Variants in GOLM1 observed in about 807,000 individuals in gnomAD.
The protein encoded by GOLM1 is epididymis luminal protein 46.
A neutral mutation model predicts 50.5 loss-of-function variants in GOLM1; 31 were observed. The observed-to-expected ratio is 0.61, with a 90% CI of 0.46 to 0.83. The LOEUF is 0.83. Ranked by LOEUF, GOLM1 falls within the 40% of genes least tolerant of loss-of-function variation. The probability of loss-of-function intolerance (pLI) is 0.00; values close to 1 mark genes in which losing one functional copy is unlikely to be tolerated. For missense variants in GOLM1, 491 were observed against 501.3 expected (o/e 0.98, Z 0.20); for synonymous variants, 178 against 192.8 (o/e 0.92, Z 0.64).
chr9:86,029,031 G>A (rs1482435684), intron 9 of GOLM1, among the ~76,000 whole-genome samples: 1 of 151,858 alleles, frequency 6.6e-6, no homozygotes, highest in Non-Finnish European at 1.5e-5. Context: ...TTTTGTTGTT[G>A]TAGTTTTAGT....
chr9:86,037,671 T>G (rs754692844), intron 6 of GOLM1, among the ~76,000 whole-genome samples: 1 of 151,734 alleles, frequency 6.6e-6, no homozygotes, highest in Non-Finnish European at 1.5e-5. Context: ...CTTGGATCCA[T>G]AGGAGAGGTG....
At chr9:86,042,651 C>A (rs983291978) in intron 5 of GOLM1, among the ~76,000 whole-genome samples, 1 of 152,102 alleles carries the variant, frequency 6.6e-6, no homozygotes, top group Non-Finnish European at 1.5e-5. Flanking sequence ...TGAAACATAG[C>A]GAACAAAAAG....
At chr9:86,053,611 ACAC>A (rs1305354029) in intron 3 of GOLM1, among the ~76,000 whole-genome samples, 12 of 4,556 alleles carry the variant, frequency 2.6e-3, no homozygotes, top group East Asian at 0.021. Flanking sequence ...CACACATCAC[ACAC>A]CACACCAAAC....
chr9:86,080,788 C>T (rs989743434), intron 1 of GOLM1, among the ~76,000 whole-genome samples: 8 of 151,644 alleles, frequency 5.3e-5, no homozygotes, highest in East Asian at 2.0e-4. Context: ...GGGGAAACCA[C>T]GTTTTTCTTT....
At position 86,070,045 on chromosome 9, in the gene GOLM1, G is replaced by C. The variant is rs189322082; in HGVS notation, c.309+7367C>G. ...ATTTCAGGTGCCTGCCACCACACCC[G>C]GATAATTTTTTGTATTTTTGGTAGA... On this transcript the variant is annotated intron_variant, in intron 3 of 9. Transcript: ENST00000388712. Among the ~76,000 whole-genome samples, 585 of 151,858 alleles carry C rather than the reference G, an allele frequency of 3.9e-3. 5 individuals are homozygous for C. Among genetic ancestry groups the C allele is most frequent in the African/African-American group, 0.014 (563 of 41,454 alleles).
rs759754575 is a variant in GOLM1 at position 86,033,263 on chromosome 9, A to C, written c.1129+19T>G. 7 of 1,351,960 alleles carry C rather than the reference A, an allele frequency of 5.2e-6. No individual in the cohort carries two copies. The East Asian group carries it at 9.1e-5, about 18-fold the overall frequency. 83.7% of individuals were successfully genotyped at this position (1,351,960 alleles called of 1,614,324 possible). On this transcript the variant is annotated intron_variant, in intron 9 of 9. Transcript: ENST00000388712. ...GAAATGAAAGGTGACCTCGTCACCG[A>C]TGTAGGCCCCATTCTTACCATCTAT... is the stretch of plus-strand genomic sequence containing the variant.
chr9:86,077,181 GTTC>G (rs1834643561), intron 3 of GOLM1, among the ~76,000 whole-genome samples: 1 of 152,106 alleles, frequency 6.6e-6, no homozygotes, highest in Non-Finnish European at 1.5e-5. Context: ...ATCTGAAATT[GTTC>G]TTCTGCATTT....
intron 4 of GOLM1, among the ~76,000 whole-genome samples, chr9:86,046,907 C>T (rs570874837): frequency 2.0e-5 from 3 of 152,270 alleles, no homozygotes; most frequent in East Asian, 1.9e-4. Flanking sequence ...TCATAAGCCC[C>T]GAGCTGTCCC....
chr9:86,096,080 C>T (rs1361037758), intron 1 of GOLM1, among the ~76,000 whole-genome samples: 1 of 151,790 alleles, frequency 6.6e-6, no homozygotes, highest in Non-Finnish European at 1.5e-5. Flanking sequence ...TTCTAGGATG[C>T]AGTGATATGA....
At chr9:86,051,763 C>A (rs1833760854) in intron 4 of GOLM1, among the ~76,000 whole-genome samples, 1 of 152,102 alleles carries the variant, frequency 6.6e-6, no homozygotes, top group Admixed American at 6.6e-5. Flanking sequence ...CGCAGCCAGG[C>A]AGCCTCTTCA....
chr9:86,082,816 T>C (rs947342408), intron 1 of GOLM1, among the ~76,000 whole-genome samples: 3 of 152,248 alleles, frequency 2.0e-5, no homozygotes, highest in Non-Finnish European at 4.4e-5. Flanking sequence ...CCCCAGGTGA[T>C]TCATATGTAT....
chr9:86,030,283 A>G (rs1428851181), intron 9 of GOLM1, among the ~76,000 whole-genome samples: 2 of 152,082 alleles, frequency 1.3e-5, no homozygotes, highest in African/African-American at 2.4e-5. Flanking sequence ...AAACATGCTC[A>G]AGAACATAAA....
At chr9:86,092,418 T>G (rs1835214012) in intron 1 of GOLM1, among the ~76,000 whole-genome samples, 1 of 152,236 alleles carries the variant, frequency 6.6e-6, no homozygotes. Context: ...TGCCATTACC[T>G]GGGGCTGACC....
At chr9:86,085,222 A>G (rs1834916582) in intron 1 of GOLM1, among the ~76,000 whole-genome samples, 1 of 152,236 alleles carries the variant, frequency 6.6e-6, no homozygotes, top group African/African-American at 2.4e-5. Context: ...AAGCACATTA[A>G]TTGTGAGTAC....
At chr9:86,040,263 G>A (rs1564342536) in intron 6 of GOLM1, among the ~76,000 whole-genome samples, 1 of 151,986 alleles carries the variant, frequency 6.6e-6, no homozygotes. Flanking sequence ...TAATAAAGCT[G>A]CTATATTTTT....
At chr9:86,029,247 G>T (rs956001007) in intron 9 of GOLM1, among the ~76,000 whole-genome samples, 1 of 152,182 alleles carries the variant, frequency 6.6e-6, no homozygotes, top group African/African-American at 2.4e-5. Context: ...ATACTTGTTT[G>T]TAACAGTGAC....
rs1166058990 is a variant in GOLM1, at chr9:86,026,882, T to TAACA, written c.*931_*934dup. The TAACA allele has an allele frequency of 3.0e-6, 3 of 984,278 alleles. No individual in the cohort carries two copies. Among genetic ancestry groups the TAACA allele is most frequent in the East Asian group, 2.3e-4 (2 of 8,806 alleles). 61.0% of individuals were successfully genotyped at this position (984,278 alleles called of 1,614,324 possible). A position where few individuals can be genotyped will look rare whatever the true frequency, so the allele number is the denominator to read the frequency against. ...TGTTTTTCTAAACAGTCCTAATTTCTAACACTGTATATATCCTTCGACATC... is the reference window on the plus strand; with the variant it reads ...TGTTTTTCTAAACAGTCCTAATTTCTAACAAACACTGTATATATCCTTCGACATC... On this transcript the variant is annotated 3_prime_UTR_variant, in exon 10 of 10. Transcript: ENST00000388712.
intron 1 of GOLM1, among the ~76,000 whole-genome samples, chr9:86,094,034 C>T (rs995726509): frequency 1.3e-5 from 2 of 152,186 alleles, no homozygotes; most frequent in African/African-American, 2.4e-5. Flanking sequence ...CACACCCCGG[C>T]GCAGCCTGGA....
Position 86,049,823 on chromosome 9 carries a change from T to C in GOLM1, c.364+2714A>G, listed in dbSNP as rs1052608812. Among the ~76,000 whole-genome samples the C allele has an allele frequency of 5.3e-5, 8 of 152,212 alleles. No individual in the cohort carries two copies. In the South Asian group the frequency reaches 1.2e-3, roughly 24 times the overall value. Reference sequence around the variant, plus strand: ...CATGTCATCTGCAAACAGGGACAATTTGACTTCCTCTTTTCCTAATTGAAT... The same window carrying C: ...CATGTCATCTGCAAACAGGGACAATCTGACTTCCTCTTTTCCTAATTGAAT... On this transcript the variant is annotated intron_variant, in intron 4 of 9. Coordinates refer to ENST00000388712, the MANE Select transcript of GOLM1 (RefSeq NM_016548.4).
Sources: allele counts gnomAD v4.1 joint callset (sites outside exome capture counted in the v4.1 genomes callset), GRCh38; gene constraint gnomAD v4.1.1; transcripts MANE v1.5; gene names NCBI Gene and HGNC (gene_info 2026-07-23, HGNC 2026-07-21).